The following ATP8A1 variants were observed in gnomAD, a reference collection of about 807,000 sequenced individuals.
ATP8A1 encodes the protein phospholipid-transporting ATPase IA.
A neutral mutation model predicts 177.7 loss-of-function variants in ATP8A1; 90 were observed. The ratio of observed to expected loss-of-function variants is 0.51; its 90% CI spans 0.43 to 0.60. The LOEUF is 0.60. Among genes scored for constraint, ATP8A1 ranks in the 20% least tolerant of loss-of-function variants. ATP8A1 has a pLI of 0.00. For synonymous variants in ATP8A1, 493 were observed against 485.9 expected, an observed-to-expected ratio of 1.01 and a Z score of -0.19; for missense variants, 1,072 against 1,392.8, an observed-to-expected ratio of 0.77 and a Z score of 3.67.
At chr4:42,584,032 G>A (rs1205775942) in intron 9 of ATP8A1, among the ~76,000 whole-genome samples, 1 of 152,202 alleles carries the variant, frequency 6.6e-6, no homozygotes, top group Non-Finnish European at 1.5e-5. Context: ...TTACTTCACG[G>A]ATTACAGGAA....
At chr4:42,518,428 G>A (rs1373368250) in intron 22 of ATP8A1, among the ~76,000 whole-genome samples, 1 of 152,096 alleles carries the variant, frequency 6.6e-6, no homozygotes, top group African/African-American at 2.4e-5. Flanking sequence ...TTTTCAAACT[G>A]TGCTTAGTGG....
intron 15 of ATP8A1, among the ~76,000 whole-genome samples, chr4:42,564,293 G>A (rs547937996): frequency 1.6e-4 from 25 of 152,246 alleles, no homozygotes; most frequent in African/African-American, 5.8e-4. Flanking sequence ...TGTGAGCAGA[G>A]GGCCACCATC....
intron 15 of ATP8A1, among the ~76,000 whole-genome samples, chr4:42,559,671 A>G (rs1730610582): frequency 6.6e-6 from 1 of 152,180 alleles, no homozygotes; most frequent in Admixed American, 6.5e-5. Flanking sequence ...ACTTTGCAGT[A>G]CTTGTTTTTT....
chr4:42,603,463 T>A (rs1048727844), intron 5 of ATP8A1, among the ~76,000 whole-genome samples: 4 of 152,214 alleles, frequency 2.6e-5, no homozygotes, highest in Non-Finnish European at 5.9e-5. Context: ...ATGGTTTTTT[T>A]AACTTTTATT....
chr4:42,644,295 G>T (rs1212613904), intron 1 of ATP8A1, among the ~76,000 whole-genome samples: 2 of 152,130 alleles, frequency 1.3e-5, no homozygotes, highest in Non-Finnish European at 2.9e-5. Context: ...AATTAAGAGA[G>T]TTTTTTCTTT....
chr4:42,607,267 A>G (rs190731647), intron 5 of ATP8A1, among the ~76,000 whole-genome samples: 1 of 152,340 alleles, frequency 6.6e-6, no homozygotes, highest in East Asian at 1.9e-4. Context: ...ACTTGAGGCT[A>G]GTGTCTTCTT....
intron 25 of ATP8A1, among the ~76,000 whole-genome samples, chr4:42,477,920 C>T (rs1721252040): frequency 6.6e-6 from 1 of 151,812 alleles, no homozygotes; most frequent in Non-Finnish European, 1.5e-5. Context: ...GAGGTCGAAG[C>T]TTCGGTGAGC....
intron 16 of ATP8A1, among the ~76,000 whole-genome samples, chr4:42,554,639 G>A (rs1356840923): frequency 6.6e-6 from 1 of 152,156 alleles, no homozygotes; most frequent in South Asian, 2.1e-4. Context: ...GACATACTGG[G>A]TTTGAAGTGG....
chr4:42,430,072 C>T (rs7688175), intron 33 of ATP8A1, among the ~76,000 whole-genome samples: 29,182 of 151,854 alleles, frequency 0.19, 3,081 homozygotes, highest in South Asian at 0.3. Context: ...AATGTGAATA[C>T]GCTTAATGCC....
intron 18 of ATP8A1, among the ~76,000 whole-genome samples, chr4:42,549,849 T>C (rs1403921321): frequency 6.6e-6 from 1 of 151,852 alleles, no homozygotes; most frequent in South Asian, 2.1e-4. Context: ...AACAAAAAAA[T>C]AATTACCAAA....
chr4:42,463,381 AG>A (rs1375871998), intron 27 of ATP8A1, among the ~76,000 whole-genome samples: 2 of 152,134 alleles, frequency 1.3e-5, no homozygotes, highest in African/African-American at 4.8e-5. Flanking sequence ...CCCCTGCACA[AG>A]CTCTCTTTGC....
chr4:42,638,392 C>G (rs542482609), intron 1 of ATP8A1, among the ~76,000 whole-genome samples: 3 of 152,316 alleles, frequency 2.0e-5, no homozygotes, highest in African/African-American at 7.2e-5. Flanking sequence ...ACTACAAATT[C>G]TAAGTGGTGG....
At chr4:42,550,559 GTA>G (rs1729403786) in intron 18 of ATP8A1, among the ~76,000 whole-genome samples, 1 of 152,130 alleles carries the variant, frequency 6.6e-6, no homozygotes. Flanking sequence ...TCTGCTAGCA[GTA>G]TATGAGTATC....
chr4:42,481,428 T>C (rs1721659185), intron 25 of ATP8A1, among the ~76,000 whole-genome samples: 1 of 152,200 alleles, frequency 6.6e-6, no homozygotes, highest in Non-Finnish European at 1.5e-5. Context: ...AATCTCTTCA[T>C]TTTGTAGGTC....
At chr4:42,490,660 C>T (rs967407494) in intron 24 of ATP8A1, among the ~76,000 whole-genome samples, 4 of 152,176 alleles carry the variant, frequency 2.6e-5, no homozygotes, top group South Asian at 2.1e-4. Flanking sequence ...TCTTTCACTT[C>T]TCTTTGCATC....
intron 25 of ATP8A1, among the ~76,000 whole-genome samples, chr4:42,472,927 T>C (rs933187339): frequency 2.6e-5 from 4 of 152,164 alleles, no homozygotes; most frequent in African/African-American, 9.7e-5. Flanking sequence ...GTTTCAAAAA[T>C]GACCCTGAGG....
chr4:42,569,914 G>C (rs919120602), intron 14 of ATP8A1, among the ~76,000 whole-genome samples: 1 of 152,100 alleles, frequency 6.6e-6, no homozygotes, highest in Non-Finnish European at 1.5e-5. Context: ...TATTCAATTG[G>C]AAGGGGCCCA....
intron 35 of ATP8A1, among the ~76,000 whole-genome samples, chr4:42,422,031 G>A (rs1577899030): frequency 6.6e-6 from 1 of 151,954 alleles, no homozygotes; most frequent in East Asian, 1.9e-4. Flanking sequence ...AATAACTACT[G>A]AACCACAAAT....
intron 22 of ATP8A1, among the ~76,000 whole-genome samples, chr4:42,512,406 G>A (rs576883955): frequency 6.6e-6 from 1 of 152,118 alleles, no homozygotes; most frequent in Non-Finnish European, 1.5e-5. Context: ...AGGCCTCAGG[G>A]TCACATTTCA....
Sources: allele counts gnomAD v4.1 joint callset (sites outside exome capture counted in the v4.1 genomes callset), GRCh38; gene constraint gnomAD v4.1.1; transcripts MANE v1.5; gene names NCBI Gene and HGNC (gene_info 2026-07-23, HGNC 2026-07-21).